The following SLC7A2 variants were observed in gnomAD, a reference collection of about 807,000 sequenced individuals.
The protein encoded by SLC7A2 is solute carrier family 7 member 2, also known as cationic amino acid transporter 2.
Under a neutral mutation model 58.9 loss-of-function variants are expected in SLC7A2, and 48 were observed. The ratio of observed to expected loss-of-function variants is 0.82; its 90% CI spans 0.65 to 1.04. The LOEUF is 1.04. Ranked by LOEUF, SLC7A2 falls within the 50% of genes least tolerant of loss-of-function variation. The pLI, the probability that SLC7A2 is intolerant of heterozygous loss-of-function variation, is 0.00. For synonymous variants in SLC7A2, 363 were observed against 314.5 expected, an observed-to-expected ratio of 1.15 and a Z score of -1.63; for missense variants, 1,029 against 818.8, an observed-to-expected ratio of 1.26 and a Z score of -3.13.
At chr8:17,563,534 C>T in intron 11 of SLC7A2, 69 bp from the exon 12 acceptor site, 1 of 913,318 alleles carries the variant, frequency 1.1e-6, no homozygotes, top group South Asian at 1.5e-5. Flanking sequence ...AATTGCCACC[C>T]TGTTGAAATA....
At chr8:17,521,385 A>G (rs1357630604) in intron 2 of SLC7A2, among the ~76,000 whole-genome samples, 3 of 152,198 alleles carry the variant, frequency 2.0e-5, no homozygotes, top group Non-Finnish European at 4.4e-5. Flanking sequence ...AATTTACGTC[A>G]GATGAATTTG....
intron 4 of SLC7A2, among the ~76,000 whole-genome samples, chr8:17,548,054 C>G (rs553504962): frequency 1.3e-5 from 2 of 152,266 alleles, no homozygotes; most frequent in East Asian, 1.9e-4. Context: ...AAGTTCGCAA[C>G]TGGGCCGGGC....
chr8:17,520,741 G>A, intron 2 of SLC7A2: 2 of 940,812 alleles, frequency 2.1e-6, no homozygotes, highest in Non-Finnish European at 2.5e-6. Flanking sequence ...GAGATGAGAA[G>A]GACCTTGAGA....
rs1417913717 is a variant in SLC7A2, at chr8:17,502,265, T to C, written c.-60T>C. On this transcript the variant is annotated 5_prime_UTR_variant, in exon 2 of 13. Coordinates refer to ENST00000494857, the MANE Select transcript of SLC7A2 (RefSeq NM_001370338.1). Reference sequence around the variant, plus strand: ...ATCATTGCTTCTCCCAGCAGGAGACTCTCTGAAGACCAGCAGGAAAGCAGT... The same window carrying C: ...ATCATTGCTTCTCCCAGCAGGAGACCCTCTGAAGACCAGCAGGAAAGCAGT... 3.3e-5 allele frequency: 5 copies of C among 151,982 alleles called. No individual in the cohort carries two copies. In the East Asian group the frequency reaches 9.7e-4, roughly 29 times the overall value. 9.4% of individuals were successfully genotyped at this position (151,982 alleles called of 1,614,324 possible). A position where few individuals can be genotyped will look rare whatever the true frequency, so the allele number is the denominator to read the frequency against.
At chr8:17,516,430 G>A (rs1381231505) in intron 2 of SLC7A2, among the ~76,000 whole-genome samples, 1 of 152,100 alleles carries the variant, frequency 6.6e-6, no homozygotes, top group Non-Finnish European at 1.5e-5. Flanking sequence ...TGCCATGTTG[G>A]CCAGGCTGTT....
intron 2 of SLC7A2, among the ~76,000 whole-genome samples, chr8:17,506,548 C>T (rs187951119): frequency 3.6e-4 from 55 of 152,188 alleles, no homozygotes; most frequent in African/African-American, 1.1e-3. Context: ...CGGTGCTAGA[C>T]GAATATGGAA....
chr8:17,496,514 C>A (rs1055589830), upstream of SLC7A2, among the ~76,000 whole-genome samples: 4 of 152,100 alleles, frequency 2.6e-5, no homozygotes, highest in Admixed American at 6.5e-5. Context: ...GCTCTTGCTC[C>A]CCTGGAAATA....
Position 17,554,693 on chromosome 8 carries a change from G to A in SLC7A2, c.1189G>A (p.Val397Met). The change falls in exon 8 of 13, where the codon GTG (valine) becomes ATG (methionine). Residue 397 changes from valine to methionine, a missense_variant. Physicochemically the swap from Val to Met is conservative, Grantham distance 21 (BLOSUM62 1). Transcript: ENST00000494857. ...PIIATLSSGA[V>M]AALMAFLFDL... is the part of the protein sequence containing the mutation. ...AATTGCTACTTTATCATCGGGTGCA[G>A]TGGCAGGTGAGAGAGAGTTGACTTT... The A allele has an allele frequency of 6.2e-7, 1 of 1,610,256 alleles. No individual in the cohort carries two copies. The highest frequency in any genetic ancestry group is 1.3e-5 in the African/African-American group (1 of 74,912).
Position 17,565,873 on chromosome 8 carries a change from C to G in SLC7A2, c.*727C>G, listed in dbSNP as rs898398212. Reference sequence around the variant, plus strand: ...TTGGCATCCTTTTGAACTTTTGTCTCCTTTGCAAACAGTGGTCCTAAAATA... The same window carrying G: ...TTGGCATCCTTTTGAACTTTTGTCTGCTTTGCAAACAGTGGTCCTAAAATA... On this transcript the variant is annotated 3_prime_UTR_variant, in exon 13 of 13. Transcript: ENST00000494857. The G allele has an allele frequency of 2.0e-5, 3 of 152,222 alleles. No homozygotes were observed. The highest frequency in any genetic ancestry group is 7.2e-5 in the African/African-American group (3 of 41,442). 9.4% of individuals were successfully genotyped at this position (152,222 alleles called of 1,614,324 possible).
At position 17,569,384 on chromosome 8, in the gene SLC7A2, C is replaced by G. The variant is rs1803412860; in HGVS notation, c.*4238C>G. Reference sequence around the variant, plus strand: ...GTGCCAAAACAGTGCCTTCTCTGCACACTTTACTTGTTTATAAAGTTCTCC... The same window carrying G: ...GTGCCAAAACAGTGCCTTCTCTGCAGACTTTACTTGTTTATAAAGTTCTCC... On this transcript the variant is annotated 3_prime_UTR_variant, in exon 13 of 13. Transcript: ENST00000494857. 6.6e-6 allele frequency: 1 copy of G among 152,188 alleles called. No homozygotes were observed. Among genetic ancestry groups the G allele is most frequent in the African/African-American group, 2.4e-5 (1 of 41,438 alleles). The allele number at this position is 152,188 out of a possible 1,614,324, so 9.4% of individuals were successfully genotyped here.
intron 2 of SLC7A2, among the ~76,000 whole-genome samples, chr8:17,527,749 C>A (rs1023887373): frequency 6.6e-5 from 10 of 152,174 alleles, no homozygotes; most frequent in African/African-American, 2.4e-4. Context: ...CTTATAAGGA[C>A]ACCAGTGTTA....
intron 2 of SLC7A2, among the ~76,000 whole-genome samples, chr8:17,507,751 AT>A (rs1800431905): frequency 6.6e-6 from 1 of 152,228 alleles, no homozygotes; most frequent in African/African-American, 2.4e-5. Flanking sequence ...TAATAGAAAT[AT>A]GCCCTAAAGA....
rs1471509437 is a variant in SLC7A2 at position 17,550,422 on chromosome 8, A to G, written c.820A>G (p.Ile274Val). Residue 274 changes from isoleucine to valine, a missense_variant, in exon 6 of 13, where the codon ATT (isoleucine) becomes GTT (valine). Ile to Val is a conservative substitution (Grantham distance 29, BLOSUM62 3). Transcript: ENST00000494857. ...CFYAFVGFDC[I>V]ATTGEEVRNP... Reference sequence around the variant, plus strand: ...TTATGCCTTTGTGGGATTTGACTGCATTGCAACAACTGGTAAGAGCAGTGT... The same window carrying G: ...TTATGCCTTTGTGGGATTTGACTGCGTTGCAACAACTGGTAAGAGCAGTGT... The G allele has an allele frequency of 6.2e-7, 1 of 1,613,658 alleles. No individual in the cohort carries two copies. Among genetic ancestry groups the G allele is most frequent in the Non-Finnish European group, 8.5e-7 (1 of 1,179,802 alleles).
intron 5 of SLC7A2, 42 bp downstream of exon 5, chr8:17,548,885 G>C (rs1294604556): frequency 6.5e-7 from 1 of 1,537,120 alleles, no homozygotes; most frequent in East Asian, 2.2e-5. Context: ...TCTTGTTTAA[G>C]AAAATATTTT....
chr8:17,530,542 A>G (rs62498008), intron 2 of SLC7A2, among the ~76,000 whole-genome samples: 27,805 of 151,672 alleles, frequency 0.18, 3,389 homozygotes, highest in Non-Finnish European at 0.26. Flanking sequence ...AGTTGGCAGA[A>G]GGCAGATTAG....
intron 2 of SLC7A2, among the ~76,000 whole-genome samples, chr8:17,517,268 C>A (rs2720586): frequency 2.0e-5 from 3 of 151,940 alleles, no homozygotes; most frequent in Admixed American, 6.6e-5. Context: ...AGAGGTCATT[C>A]GAAATAAAAT....
chr8:17,543,543 C>T lies in SLC7A2; in HGVS notation c.204C>T (p.Ile68=), dbSNP rs776545516. The part of the protein sequence containing the change: ...EVAKADSGPS[I]VVSFLIAALA... ...CCAAGGCAGACTCGGGCCCCAGCAT[C>T]GTGGTGTCCTTCCTCATTGCTGCCC... The change falls in exon 3 of 13, where the codon ATC becomes ATT. Residue 68 remains isoleucine (I), a synonymous_variant. Coordinates refer to ENST00000494857, the MANE Select transcript of SLC7A2 (RefSeq NM_001370338.1). The T allele has an allele frequency of 6.8e-6, 11 of 1,612,384 alleles. No individual in the cohort carries two copies. The highest frequency in any genetic ancestry group is 7.6e-6 in the Non-Finnish European group (9 of 1,179,170).
intron 2 of SLC7A2, among the ~76,000 whole-genome samples, chr8:17,513,374 G>T (rs911953608): frequency 6.6e-6 from 1 of 151,630 alleles, no homozygotes. Context: ...AAGTCTGAAG[G>T]GTTTTTATAA....
intron 2 of SLC7A2, chr8:17,538,796 G>T: frequency 6.2e-7 from 1 of 1,613,326 alleles, no homozygotes; most frequent in South Asian, 1.1e-5. Context: ...AGAAAGAGCA[G>T]ATGTCTCACC....
Sources: allele counts gnomAD v4.1 joint callset (sites outside exome capture counted in the v4.1 genomes callset), GRCh38; gene constraint gnomAD v4.1.1; transcripts MANE v1.5; gene names NCBI Gene and HGNC (gene_info 2026-07-23, HGNC 2026-07-21).